The following MACROD2 variants were observed in gnomAD, a reference collection of about 807,000 sequenced individuals.
The protein encoded by MACROD2 is mono-ADP ribosylhydrolase 2.
A neutral mutation model predicts 70.4 loss-of-function variants in MACROD2; 36 were observed. That is an observed-to-expected ratio of 0.51 (90% CI 0.39 to 0.68). The LOEUF is 0.68. Among genes scored for constraint, MACROD2 ranks in the 30% least tolerant of loss-of-function variants. The pLI, the probability that MACROD2 is intolerant of heterozygous loss-of-function variation, is 0.00. For synonymous variants in MACROD2, 172 were observed against 178.8 expected, an observed-to-expected ratio of 0.96 and a Z score of 0.30; for missense variants, 496 against 538.4, an observed-to-expected ratio of 0.92 and a Z score of 0.78.
rs1568553958 is a variant in MACROD2 at position 14,322,202 on chromosome 20, T to TATATATATATATATA, written c.272-171277_272-171276insATATATATATATATA. Among the ~76,000 whole-genome samples, 5 of 53,740 alleles carry TATATATATATATATA rather than the reference T, an allele frequency of 9.3e-5. No individual in the cohort carries two copies. In the East Asian group the frequency reaches 1.1e-3, roughly 12 times the overall value. 35.3% of individuals were successfully genotyped at this position (53,740 alleles called of 152,430 possible). On this transcript the variant is annotated intron_variant, in intron 3 of 17. Coordinates refer to ENST00000684519, the MANE Select transcript of MACROD2 (RefSeq NM_001351661.2). ...TATATATATATATATATATATATAT[T>TATATATATATATATA]TTGTATTTTGCAAAGCAACTGGATT...
At chr20:15,417,240 CA>C (rs1181495558) in intron 6 of MACROD2, among the ~76,000 whole-genome samples, 3 of 151,568 alleles carry the variant, frequency 2.0e-5, no homozygotes, top group Non-Finnish European at 2.9e-5. Flanking sequence ...CTGGTGTAGC[CA>C]TACAAAAAAA....
chr20:14,997,540 G>C (rs538797733), intron 5 of MACROD2, among the ~76,000 whole-genome samples: 1 of 152,274 alleles, frequency 6.6e-6, no homozygotes, highest in African/African-American at 2.4e-5. Flanking sequence ...GGAAGGTTAA[G>C]AAGGACTTTG....
chr20:15,479,461 A>T (rs1453921123), intron 7 of MACROD2, among the ~76,000 whole-genome samples: 1 of 150,656 alleles, frequency 6.6e-6, no homozygotes, highest in Non-Finnish European at 1.5e-5. Flanking sequence ...TTTAGTAGAG[A>T]CGGGGTTTCA....
intron 3 of MACROD2, among the ~76,000 whole-genome samples, chr20:14,490,432 T>C (rs1363451326): frequency 6.6e-6 from 1 of 152,204 alleles, no homozygotes; most frequent in Non-Finnish European, 1.5e-5. Context: ...CACAGATTCA[T>C]TATCTTGTAA....
intron 3 of MACROD2, among the ~76,000 whole-genome samples, chr20:14,164,360 C>T (rs2055234431): frequency 6.6e-6 from 1 of 152,026 alleles, no homozygotes; most frequent in African/African-American, 2.4e-5. Context: ...GTGTGCCTGT[C>T]CTTGGGCCTT....
intron 15 of MACROD2, among the ~76,000 whole-genome samples, chr20:16,032,041 A>G (rs1197000296): frequency 1.3e-5 from 2 of 152,056 alleles, no homozygotes; most frequent in African/African-American, 4.8e-5. Context: ...TGAAAGTGTT[A>G]ATTATGTGTA....
At chr20:15,330,814 C>T (rs1454433250) in intron 6 of MACROD2, among the ~76,000 whole-genome samples, 1 of 151,488 alleles carries the variant, frequency 6.6e-6, no homozygotes, top group East Asian at 1.9e-4. Flanking sequence ...TTTATAAGCT[C>T]AGAAGGCATC....
chr20:14,731,986 A>AT (rs1260302039), intron 5 of MACROD2, among the ~76,000 whole-genome samples: 1 of 152,162 alleles, frequency 6.6e-6, no homozygotes, highest in Non-Finnish European at 1.5e-5. Context: ...TGAATTAAAT[A>AT]TTTTTTAAAT....
At chr20:15,103,973 C>G (rs1307946920) in intron 5 of MACROD2, among the ~76,000 whole-genome samples, 2 of 152,096 alleles carry the variant, frequency 1.3e-5, no homozygotes, top group Non-Finnish European at 2.9e-5. Flanking sequence ...GACTGTGAAG[C>G]AATCTGATTT....
chr20:14,020,655 T>C (rs961488018), intron 2 of MACROD2, among the ~76,000 whole-genome samples: 1 of 152,176 alleles, frequency 6.6e-6, no homozygotes, highest in East Asian at 1.9e-4. Flanking sequence ...GTTTTTCGTT[T>C]TATTTATTGA....
At chr20:14,748,063 T>A (rs2071822659) in intron 5 of MACROD2, among the ~76,000 whole-genome samples, 1 of 152,128 alleles carries the variant, frequency 6.6e-6, no homozygotes, top group South Asian at 2.1e-4. Flanking sequence ...TTGTACCAGA[T>A]GTACCACATA....
intron 5 of MACROD2, among the ~76,000 whole-genome samples, chr20:15,074,598 G>T (rs1290623026): frequency 1.3e-5 from 2 of 152,188 alleles, no homozygotes; most frequent in Non-Finnish European, 2.9e-5. Flanking sequence ...AGTCTTGTGG[G>T]ACTGAAACCT....
chr20:14,816,682 G>C (rs2072777512), intron 5 of MACROD2, among the ~76,000 whole-genome samples: 1 of 151,930 alleles, frequency 6.6e-6, no homozygotes, highest in African/African-American at 2.4e-5. Flanking sequence ...CTAATGTTAA[G>C]AATGGAAAAT....
At chr20:15,816,606 T>G (rs538126844) in intron 8 of MACROD2, among the ~76,000 whole-genome samples, 1 of 152,192 alleles carries the variant, frequency 6.6e-6, no homozygotes, top group Non-Finnish European at 1.5e-5. Context: ...CCTTGATAAC[T>G]CCCACGGCTT....
intron 6 of MACROD2, among the ~76,000 whole-genome samples, chr20:15,380,799 C>G (rs1220352598): frequency 6.6e-6 from 1 of 152,082 alleles, no homozygotes; most frequent in Admixed American, 6.6e-5. Context: ...ATAATGCAGA[C>G]TAAACTTAGT....
At chr20:14,732,952 A>G (rs529235991) in intron 5 of MACROD2, among the ~76,000 whole-genome samples, 19 of 152,304 alleles carry the variant, frequency 1.2e-4, no homozygotes, top group African/African-American at 4.6e-4. Context: ...CAAGGTTGTC[A>G]TCTCACCAAA....
intron 3 of MACROD2, among the ~76,000 whole-genome samples, chr20:14,468,366 G>T (rs2084482233): frequency 6.6e-6 from 1 of 150,540 alleles, no homozygotes; most frequent in Non-Finnish European, 1.5e-5. Context: ...ATTATGTAAT[G>T]CCCTTCTTTT....
At chr20:15,194,115 G>A (rs2076589538) in intron 5 of MACROD2, among the ~76,000 whole-genome samples, 1 of 151,564 alleles carries the variant, frequency 6.6e-6, no homozygotes, top group South Asian at 2.1e-4. Context: ...GCATGATGGT[G>A]GGTGCCTGTA....
At chr20:14,435,760 G>A (rs976821352) in intron 3 of MACROD2, among the ~76,000 whole-genome samples, 2 of 151,314 alleles carry the variant, frequency 1.3e-5, no homozygotes, top group African/African-American at 4.9e-5. Flanking sequence ...AGGCTGGAGT[G>A]CAGTGGTATG....
Sources: gnomAD v4.1 joint callset for allele counts (sites outside exome capture counted in the v4.1 genomes callset) on GRCh38, gnomAD v4.1.1 for gene constraint, MANE v1.5 for transcripts, NCBI Gene and HGNC (gene_info 2026-07-23, HGNC 2026-07-21) for gene names.